Variants in EIF6 observed in about 807,000 individuals in gnomAD.
EIF6 encodes the protein eukaryotic translation initiation factor 6.
In EIF6, 10 loss-of-function variants were observed where a neutral mutation model predicts 25.5. The observed-to-expected ratio is 0.39, with a 90% CI of 0.24 to 0.66. The LOEUF (loss-of-function observed/expected upper bound fraction) is 0.66. EIF6 is among the 30% of genes least tolerant of loss of function. The pLI is 0.45. For missense variants in EIF6, 246 were observed against 315.4 expected, an observed-to-expected ratio of 0.78 and a Z score of 1.67; for synonymous variants, 122 against 122.6, an observed-to-expected ratio of 1.00 and a Z score of 0.03.
Position 35,284,662 on chromosome 20 carries a change from G to T in EIF6, c.-6+64C>A. The stretch of plus-strand genomic sequence containing the variant: ...AGAACCTCCGGCCCTGAATCCTCTG[G>T]CCCCCACCCCTCCCGACCCAGGACC... On this transcript the variant is annotated intron_variant, in intron 1 of 6. Transcript: ENST00000374450. 4 of 730,856 alleles carry T rather than the reference G, an allele frequency of 5.5e-6. 1 individual carries two copies. In the South Asian group the frequency reaches 7.4e-5, roughly 14 times the overall value. The allele number at this position is 730,856 out of a possible 1,614,324, so 45.3% of individuals were successfully genotyped here.
intron 4 of EIF6, 81 bp from the exon 5 acceptor site, chr20:35,280,199 G>T: frequency 1.3e-6 from 2 of 1,495,836 alleles, no homozygotes; most frequent in Non-Finnish European, 9.1e-7. Flanking sequence ...AAGCATCCAG[G>T]CCTTGGCTCC....
At chr20:35,284,041 C>T (rs59858563) in intron 3 of EIF6, 135 bp downstream of exon 3, 7 of 1,170,690 alleles carry the variant, frequency 6.0e-6, no homozygotes, top group Non-Finnish European at 8.3e-6. Context: ...GACGCTTGGC[C>T]TGAGAGATTC....
intron 3 of EIF6, among the ~76,000 whole-genome samples, chr20:35,281,706 A>T (rs1296411671): frequency 6.6e-5 from 10 of 152,026 alleles, no homozygotes; most frequent in Non-Finnish European, 1.3e-4. Flanking sequence ...TCGACCTCCC[A>T]AAGTGCTACG....
intron 3 of EIF6, among the ~76,000 whole-genome samples, chr20:35,281,606 T>C (rs2060776476): frequency 6.6e-6 from 1 of 151,970 alleles, no homozygotes; most frequent in African/African-American, 2.4e-5. Flanking sequence ...CCACCACACC[T>C]GGCTAACTTT....
intron 3 of EIF6, 25 bp downstream of exon 3, chr20:35,284,151 C>T: frequency 1.3e-6 from 2 of 1,562,368 alleles, no homozygotes; most frequent in Non-Finnish European, 8.7e-7. Flanking sequence ...CCACTCCCTC[C>T]CTCGGCGTCC....
At chr20:35,283,803 A>G (rs2060797945) in intron 3 of EIF6, among the ~76,000 whole-genome samples, 1 of 147,054 alleles carries the variant, frequency 6.8e-6, no homozygotes, top group African/African-American at 2.6e-5. Flanking sequence ...CTGGCCTCAA[A>G]AAAAAAAAAA....
chr20:35,280,135 T>C lies in EIF6; in HGVS notation c.370-17A>G, dbSNP rs200317120. ...TTCTGTCTCCTGTCAATCAAAGATA[T>C]TGTGTTCAGGGCTCAGAACTTACAG... is the stretch of plus-strand genomic sequence containing the variant. On this transcript the variant is annotated splice_polypyrimidine_tract_variant and intron_variant, in intron 4 of 6. Coordinates refer to ENST00000374450, the MANE Select transcript of EIF6 (RefSeq NM_002212.4). The C allele has an allele frequency of 1.7e-5, 27 of 1,612,844 alleles. No individual in the cohort carries two copies. In the East Asian group the frequency reaches 2.0e-4, roughly 12 times the overall value.
At chr20:35,284,031 G>A in intron 3 of EIF6, 145 bp downstream of exon 3, 1 of 1,073,474 alleles carries the variant, frequency 9.3e-7, no homozygotes, top group Non-Finnish European at 1.3e-6. Context: ...CCGATCTCCT[G>A]ACGCTTGGCC....
At chr20:35,281,203 G>A (rs1014794722) in intron 3 of EIF6, among the ~76,000 whole-genome samples, 54 of 151,950 alleles carry the variant, frequency 3.6e-4, no homozygotes, top group African/African-American at 1.2e-3. Flanking sequence ...TGGCTAACAC[G>A]GTGAAACCCC....
At position 35,280,786 on chromosome 20, in the gene EIF6, C is replaced by T. The variant is rs1664542527; in HGVS notation, c.237G>A (p.Gln79=). Residue 79 remains glutamine, a synonymous_variant, in exon 4 of 7, where the codon CAG becomes CAA. Coordinates refer to ENST00000374450, the MANE Select transcript of EIF6 (RefSeq NM_002212.4). ...GGCTGTTGCGAATGTGTTGCAGCTC[C>T]TGGTCGGTGGTATTGTTGGGTACCA... ...GLLVPNNTTD[Q]ELQHIRNSLP... 6.2e-7 allele frequency: 1 copy of T among 1,614,056 alleles called. No individual in the cohort carries two copies. The highest frequency in any genetic ancestry group is 1.3e-5 in the African/African-American group (1 of 74,926).
At chr20:35,284,648 C>CCAGAGGATTCAGGG in intron 1 of EIF6, 78 bp downstream of exon 1, 1 of 834,702 alleles carries the variant, frequency 1.2e-6, no homozygotes. Context: ...GAACCTCCGG[C>CCAGAGGATTCAGGG]CCTGAATCCT....
rs529401362 is a variant in EIF6 at position 35,284,356 on chromosome 20, G to C, written c.107+25C>G. The C allele has an allele frequency of 4.1e-5, 66 of 1,613,450 alleles. 1 individual carries two copies. The South Asian group carries it at 5.3e-4, about 13-fold the overall frequency. ...CTCCTGCGCACGCCTCCCCGCCACC[G>C]TAAGCCCCGGGGCTCCCGCCGCACC... On this transcript the variant is annotated intron_variant, in intron 2 of 6. Coordinates refer to ENST00000374450, the MANE Select transcript of EIF6 (RefSeq NM_002212.4).
intron 3 of EIF6, among the ~76,000 whole-genome samples, chr20:35,283,030 G>A (rs1246624076): frequency 1.3e-5 from 2 of 152,166 alleles, no homozygotes; most frequent in African/African-American, 4.8e-5. Context: ...AGTGGCTCAC[G>A]CCTGTAATCC....
rs1167876304 is a variant in EIF6, at chr20:35,280,110, TTC to T, written c.376_377del (p.Glu126ArgfsTer42). ...LVHPDLDRET[E>X]EILADVLKVE... ...CCTTGAGCACATCTGCCAGAATTTC[TTC>T]TGTCTCCTGTCAATCAAAGATATTG... is the stretch of plus-strand genomic sequence containing the variant. On this transcript the variant is annotated frameshift_variant, in exon 5 of 7. Coordinates refer to ENST00000374450, the MANE Select transcript of EIF6 (RefSeq NM_002212.4). LOFTEE classifies it high-confidence loss of function. 1.2e-6 allele frequency: 2 copies of T among 1,614,098 alleles called. No homozygotes were observed. The highest frequency in any genetic ancestry group is 1.7e-6 in the Non-Finnish European group (2 of 1,179,950).
At chr20:35,280,441 T>A (rs2060764276) in intron 4 of EIF6, among the ~76,000 whole-genome samples, 1 of 152,070 alleles carries the variant, frequency 6.6e-6, no homozygotes, top group African/African-American at 2.4e-5. Context: ...TGGTTCAATC[T>A]CCCCAATCAT....
At chr20:35,284,106 T>G (rs543956422) in intron 3 of EIF6, 70 bp downstream of exon 3, 1 of 1,509,618 alleles carries the variant, frequency 6.6e-7, no homozygotes, top group South Asian at 1.3e-5. Flanking sequence ...TCACTCCGGG[T>G]TCCCTCCGGG....
rs1190972612 is a variant in EIF6, at chr20:35,280,068, C to T, written c.420G>A (p.Gln140=). 1.6e-5 allele frequency: 26 copies of T among 1,614,102 alleles called. No homozygotes were observed. The highest frequency in any genetic ancestry group is 2.0e-5 in the Non-Finnish European group (24 of 1,180,046). ...CTACTAGCACCTGGTCGGCCACTGT[C>T]TGTCTGAAGACTTCCACCTTGAGCA... The part of the protein sequence containing the change: ...ADVLKVEVFR[Q]TVADQVLVGS... The change falls in exon 5 of 7, where the codon CAG becomes CAA. Residue 140 remains glutamine (Q), a synonymous_variant. Transcript: ENST00000374450.
At position 35,279,045 on chromosome 20, in the gene EIF6, G is replaced by C; in HGVS notation, c.*152C>G. 2.1e-6 allele frequency: 2 copies of C among 942,746 alleles called. No homozygotes were observed. Among genetic ancestry groups the C allele is most frequent in the Non-Finnish European group, 1.7e-6 (1 of 597,614 alleles). The allele number at this position is 942,746 out of a possible 1,614,324, so 58.4% of individuals were successfully genotyped here. A position where few individuals can be genotyped will look rare whatever the true frequency, so the allele number is the denominator to read the frequency against. On this transcript the variant is annotated 3_prime_UTR_variant, in exon 7 of 7. Transcript: ENST00000374450. ...CAGTAATGATAGATCCAGGCGATAA[G>C]CACAGGTGGAAAAGGGTTGGGTGCC... is the stretch of plus-strand genomic sequence containing the variant.
At chr20:35,282,103 C>T (rs1363511263) in intron 3 of EIF6, among the ~76,000 whole-genome samples, 1 of 151,876 alleles carries the variant, frequency 6.6e-6, no homozygotes, top group Non-Finnish European at 1.5e-5. Context: ...ATTCTCCTGC[C>T]TCAACCTCCC....
Sources: gnomAD v4.1 joint callset for allele counts (sites outside exome capture counted in the v4.1 genomes callset) on GRCh38, gnomAD v4.1.1 for gene constraint, MANE v1.5 for transcripts, NCBI Gene and HGNC (gene_info 2026-07-23, HGNC 2026-07-21) for gene names.